The following CAPRIN2 variants were observed in gnomAD, a reference collection of about 807,000 sequenced individuals.
CAPRIN2 encodes the protein caprin family member 2, also known as caprin-2.
A neutral mutation model predicts 130.4 loss-of-function variants in CAPRIN2; 66 were observed. The observed-to-expected ratio is 0.51, with a 90% CI of 0.42 to 0.62. CAPRIN2 has a LOEUF of 0.62. CAPRIN2 is among the 20% of genes least tolerant of loss of function. The probability of loss-of-function intolerance (pLI) is 0.00; values close to 1 mark genes in which losing one functional copy is unlikely to be tolerated. For synonymous variants in CAPRIN2, 471 were observed against 444.1 expected (o/e 1.06, Z -0.76); for missense variants, 1,185 against 1,246.6 (o/e 0.95, Z 0.74).
Position 30,728,278 on chromosome 12 carries a change from G to A in CAPRIN2, c.1782+370C>T, listed in dbSNP as rs182734536. ...TGGGCTTTGAAGAGAACTAAGGCCG[G>A]GCACAATGGCTCACGCCTGTAATCT... On this transcript the variant is annotated intron_variant, in intron 8 of 16. Transcript: ENST00000298892. 4.8e-4 allele frequency: 84 copies of A among 174,096 alleles called. 1 individual carries two copies. Among genetic ancestry groups the A allele is most frequent in the African/African-American group, 1.9e-3 (79 of 41,980 alleles). The allele number at this position is 174,096 out of a possible 1,614,324, so 10.8% of individuals were successfully genotyped here. A position where few individuals can be genotyped will look rare whatever the true frequency, so the allele number is the denominator to read the frequency against.
At chr12:30,738,361 C>T (rs936942701) in intron 3 of CAPRIN2, among the ~76,000 whole-genome samples, 1 of 151,458 alleles carries the variant, frequency 6.6e-6, no homozygotes, top group African/African-American at 2.4e-5. Flanking sequence ...AGAAAAAGTA[C>T]CTAGGGCCAT....
Position 30,750,061 on chromosome 12 carries a change from T to C in CAPRIN2, c.483+1010A>G, listed in dbSNP as rs2072954899. On this transcript the variant is annotated intron_variant, in intron 2 of 16. Coordinates refer to ENST00000298892, the Ensembl canonical transcript of CAPRIN2. ...AAAAGTTTTATCACTTTAAGAGTTA[T>C]TGAACACACCGTGATTTTAAAACAA... is the stretch of plus-strand genomic sequence containing the variant. Among the ~76,000 whole-genome samples the C allele has an allele frequency of 3.3e-5, 5 of 152,352 alleles. No homozygotes were observed. In the South Asian group the frequency reaches 6.2e-4, roughly 19 times the overall value.
exon 12 of CAPRIN2, chr12:30,720,813 C>T (rs758341127): frequency 1.9e-6 from 3 of 1,580,212 alleles, no homozygotes; most frequent in Admixed American, 1.7e-5. Flanking sequence ...TCTTTTACCT[C>T]AGGAGTCTCT....
exon 15 of CAPRIN2, chr12:30,713,858 G>A: frequency 2.5e-6 from 4 of 1,605,832 alleles, no homozygotes; most frequent in Non-Finnish European, 3.4e-6. Flanking sequence ...ATTGGAAATT[G>A]AAGGGAGTCC....
At position 30,730,119 on chromosome 12, in the gene CAPRIN2, T is replaced by C. The variant is rs186375000; in HGVS notation, c.1104+120A>G. 162 of 746,182 alleles carry C rather than the reference T, an allele frequency of 2.2e-4. 1 individual carries two copies. The highest frequency in any genetic ancestry group is 2.1e-3 in the Middle Eastern group (9 of 4,200). 46.2% of individuals were successfully genotyped at this position (746,182 alleles called of 1,614,324 possible). A position where few individuals can be genotyped will look rare whatever the true frequency, so the allele number is the denominator to read the frequency against. ...TTCTTGCCCAAAGTCCCTAAGCTAG[T>C]AAACTGCAGAACCAGGGTTCAAGCT... On this transcript the variant is annotated intron_variant, in intron 7 of 16. Transcript: ENST00000298892.
At chr12:30,719,348 CA>C (rs1271585270) in intron 12 of CAPRIN2, 123 bp from the exon 14 acceptor site, 4 of 1,075,702 alleles carry the variant, frequency 3.7e-6, no homozygotes, top group East Asian at 4.9e-5. Context: ...CACAGGAATG[CA>C]AAAGAATAGC....
chr12:30,709,815 C>T (rs899395230), exon 17 of CAPRIN2: 10 of 1,445,332 alleles, frequency 6.9e-6, no homozygotes, highest in Non-Finnish European at 6.5e-6. Context: ...TTTTCCTAAA[C>T]CAATCAGTCA....
At position 30,710,106 on chromosome 12, in the gene CAPRIN2, C is replaced by T. The variant is rs1421162128; in HGVS notation, c.3030G>A (p.Leu1010=). 1.2e-6 allele frequency: 2 copies of T among 1,614,110 alleles called. No homozygotes were observed. The highest frequency in any genetic ancestry group is 1.7e-6 in the Non-Finnish European group (2 of 1,180,010). The stretch of plus-strand genomic sequence containing the variant: ...CTTCATTCTTCATGAGGTTGACATA[C>T]AGTGGCACATTCACTGCCAGCTTTA... Residue 1010 remains leucine, a synonymous_variant, in exon 17 of 17, where the codon CTG becomes CTA. Coordinates refer to ENST00000298892, the Ensembl canonical transcript of CAPRIN2. This position sits in a 1 kb window ranked among gnomAD's most constrained non-coding sequence, Gnocchi z 4.8.
At chr12:30,719,899 T>A (rs1016862932) in intron 12 of CAPRIN2, 1 of 152,178 alleles carries the variant, frequency 6.6e-6, no homozygotes, top group South Asian at 2.1e-4. Context: ...CTAAGGATTA[T>A]CTATATTTTC....
intron 3 of CAPRIN2, among the ~76,000 whole-genome samples, chr12:30,740,067 T>C (rs540867796): frequency 6.6e-6 from 1 of 152,278 alleles, no homozygotes; most frequent in African/African-American, 2.4e-5. Flanking sequence ...TAGAAGAATT[T>C]TTCTTTATTC....
intron 12 of CAPRIN2, among the ~76,000 whole-genome samples, chr12:30,717,700 T>C (rs1316987045): frequency 6.6e-6 from 1 of 152,120 alleles, no homozygotes; most frequent in South Asian, 2.1e-4. Context: ...ATGCTGAGAA[T>C]AAAAGCTATA....
chr12:30,739,058 T>C (rs2066128133), intron 3 of CAPRIN2, among the ~76,000 whole-genome samples: 1 of 152,174 alleles, frequency 6.6e-6, no homozygotes, highest in South Asian at 2.1e-4. Flanking sequence ...ACTGGTTATA[T>C]ATCCAAAGGA....
chr12:30,724,371 T>C (rs1430021272), exon 10 of CAPRIN2: 1 of 1,601,328 alleles, frequency 6.2e-7, no homozygotes, highest in Non-Finnish European at 8.6e-7. Flanking sequence ...ATTACATACC[T>C]ACGGGGCTAC....
chr12:30,753,895 G>A, exon 1 of CAPRIN2: 1 of 813,644 alleles, frequency 1.2e-6, no homozygotes, highest in Non-Finnish European at 1.9e-6. Context: ...CGGCTTCAGA[G>A]CTCCTTTCTT....
At chr12:30,739,714 CAAAAA>C (rs370274976) in intron 3 of CAPRIN2, among the ~76,000 whole-genome samples, 1 of 113,742 alleles carries the variant, frequency 8.8e-6, no homozygotes, top group Admixed American at 9.6e-5. Context: ...GACTCCGTCT[CAAAAA>C]AAAAAAAAAA....
At chr12:30,754,309 C>G (rs2075302622) in exon 1 of CAPRIN2, 1 of 153,492 alleles carries the variant, frequency 6.5e-6, no homozygotes, top group Admixed American at 6.5e-5. Context: ...TTCCCGTGCC[C>G]TAATCAGTGG....
At chr12:30,721,245 C>T (rs1167357645) in intron 11 of CAPRIN2, among the ~76,000 whole-genome samples, 3 of 152,204 alleles carry the variant, frequency 2.0e-5, no homozygotes, top group African/African-American at 4.8e-5. Context: ...CAAAACTACA[C>T]ATCTCATCCC....
At chr12:30,732,614 G>C (rs1055358250) in intron 5 of CAPRIN2, among the ~76,000 whole-genome samples, 2 of 151,944 alleles carry the variant, frequency 1.3e-5, no homozygotes, top group African/African-American at 4.8e-5. Flanking sequence ...GTCTTTTCTA[G>C]AATTTCATAT....
intron 13 of CAPRIN2, 52 bp downstream of exon 15, chr12:30,716,456 T>A: frequency 1.3e-6 from 2 of 1,519,706 alleles, no homozygotes; most frequent in Non-Finnish European, 1.8e-6. Flanking sequence ...TTGCTGTCCA[T>A]TCAATTGGCT....
Sources: allele counts gnomAD v4.1 joint callset (sites outside exome capture counted in the v4.1 genomes callset), GRCh38; gene constraint gnomAD v4.1.1; non-coding constraint Gnocchi (gnomAD v3.1); transcripts MANE v1.5; gene names NCBI Gene and HGNC (gene_info 2026-07-23, HGNC 2026-07-21).